The following LRRC40 variants were observed in gnomAD, a reference collection of about 807,000 sequenced individuals.
LRRC40 encodes leucine-rich repeat-containing protein 40.
Under a neutral mutation model 72.8 loss-of-function variants are expected in LRRC40, and 76 were observed. The ratio of observed to expected loss-of-function variants is 1.04; its 90% confidence interval spans 0.87 to 1.26. The LOEUF (loss-of-function observed/expected upper bound fraction) is 1.26, where lower values mean the gene tolerates loss of function less well. LRRC40 is among the 50% of genes most tolerant of loss of function. The pLI is 0.00. For missense variants in LRRC40, 684 were observed against 698.9 expected, an observed-to-expected ratio of 0.98 and a Z score of 0.24; for synonymous variants, 243 against 254.2, an observed-to-expected ratio of 0.96 and a Z score of 0.42.
At chr1:70,201,917 C>A (rs1022090640) in intron 1 of LRRC40, among the ~76,000 whole-genome samples, 2 of 152,056 alleles carry the variant, frequency 1.3e-5, no homozygotes, top group South Asian at 2.1e-4. Flanking sequence ...GCAGAGGTTG[C>A]GGTGAGCTGA....
chr1:70,148,715 AC>A (rs774760789), intron 13 of LRRC40, 43 bp from the exon 14 acceptor site: 1 of 1,199,812 alleles, frequency 8.3e-7, no homozygotes, highest in Non-Finnish European at 1.2e-6. Flanking sequence ...CTGGAATCAG[AC>A]CAAAATCATT....
At position 70,145,921 on chromosome 1, in the gene LRRC40, A is replaced by G; in HGVS notation, c.1704-16T>C. On this transcript the variant is annotated splice_polypyrimidine_tract_variant and intron_variant, in intron 14 of 14. Coordinates refer to ENST00000370952, the MANE Select transcript of LRRC40 (RefSeq NM_017768.5). Reference sequence around the variant, plus strand: ...TAGTAATGTTCTAAACAAAAGAGAGAAATTGAGAATGTAAACATTTTCCAT... The same window carrying G: ...TAGTAATGTTCTAAACAAAAGAGAGGAATTGAGAATGTAAACATTTTCCAT... The G allele has an allele frequency of 1.6e-6, 2 of 1,278,936 alleles. No homozygotes were observed. The highest frequency in any genetic ancestry group is 2.2e-6 in the Non-Finnish European group (2 of 894,372). The allele number at this position is 1,278,936 out of a possible 1,614,324, so 79.2% of individuals were successfully genotyped here.
In LRRC40 at chr1:70,178,892, AT is replaced by A; in HGVS notation, c.762del (p.Lys254AsnfsTer14). On this transcript the variant is annotated frameshift_variant, in exon 6 of 15. Transcript: ENST00000370952. LOFTEE classifies it high-confidence loss of function. ...GAAGGAAATTCTGGTAGAAAACGTA[AT>A]TTATTCCTCCGCAAATAAAGCAATT... is the stretch of plus-strand genomic sequence containing the variant. ...SLELLYLRRN[K>X]LRFLPEFPSC... 6.3e-7 allele frequency: 1 copy of A among 1,597,586 alleles called. No homozygotes were observed. The highest frequency in any genetic ancestry group is 8.6e-7 in the Non-Finnish European group (1 of 1,168,312).
At chr1:70,198,982 C>T (rs1668674837) in intron 1 of LRRC40, among the ~76,000 whole-genome samples, 1 of 151,986 alleles carries the variant, frequency 6.6e-6, no homozygotes, top group Admixed American at 6.6e-5. Context: ...AAGACCTCAT[C>T]TCTACAAAAA....
chr1:70,204,987 T>G (rs1039042063), intron 1 of LRRC40, among the ~76,000 whole-genome samples: 1 of 152,070 alleles, frequency 6.6e-6, no homozygotes. Flanking sequence ...AAGGGGCCGA[T>G]AAAACATATA....
intron 2 of LRRC40, among the ~76,000 whole-genome samples, chr1:70,187,894 G>GAAGAGAAGAGAAGTC (rs1277318646): frequency 2.1e-5 from 3 of 143,304 alleles, no homozygotes; most frequent in Admixed American, 7.0e-5. Flanking sequence ...GAAGAGAAGA[G>GAAGAGAAGAGAAGTC]AAGTCATGAA....
rs150092881 is a variant in LRRC40 at position 70,175,822 on chromosome 1, T to G, written c.965A>C (p.Asn322Thr). The change falls in exon 7 of 15, where the codon AAT (asparagine) becomes ACT (threonine). Residue 322 changes from asparagine to threonine, a missense_variant. Physicochemically the swap from Asn to Thr is moderately conservative, Grantham distance 65. Coordinates refer to ENST00000370952, the MANE Select transcript of LRRC40 (RefSeq NM_017768.5). ...RSLERLDLSN[N>T]DISSLPYSLG... ...TATTTAAACTTACCTACTAATATCA[T>G]TGTTGCTTAGGTCAAGCCTTTCCAA... 3.2e-6 allele frequency: 5 copies of G among 1,558,862 alleles called. No individual in the cohort carries two copies. The Admixed American group carries it at 1.0e-4, about 32-fold the overall frequency.
At chr1:70,146,453 TAACAATCCTATTTTCTC>T (rs1177489747) in intron 14 of LRRC40, among the ~76,000 whole-genome samples, 1 of 152,218 alleles carries the variant, frequency 6.6e-6, no homozygotes, top group Non-Finnish European at 1.5e-5. Flanking sequence ...CAGTCACTCT[TAACAATCCTATTTTCTC>T]AACAATCCTA....
intron 4 of LRRC40, among the ~76,000 whole-genome samples, chr1:70,182,224 G>A (rs1274894222): frequency 6.6e-6 from 1 of 151,740 alleles, no homozygotes; most frequent in East Asian, 1.9e-4. Context: ...AAAACTCTAA[G>A]AATCAAAAGA....
chr1:70,198,084 T>C (rs1298855119), intron 1 of LRRC40, among the ~76,000 whole-genome samples: 1 of 152,074 alleles, frequency 6.6e-6, no homozygotes, highest in African/African-American at 2.4e-5. Context: ...TTTTATTCTG[T>C]CCCAACAAAC....
At chr1:70,191,815 A>G (rs1478152945) in intron 1 of LRRC40, among the ~76,000 whole-genome samples, 1 of 151,538 alleles carries the variant, frequency 6.6e-6, no homozygotes, top group Admixed American at 6.6e-5. Flanking sequence ...TATAAATATC[A>G]AAAAAATTAC....
At chr1:70,156,496 G>A (rs1571441438) in intron 10 of LRRC40, among the ~76,000 whole-genome samples, 1 of 152,016 alleles carries the variant, frequency 6.6e-6, no homozygotes, top group Non-Finnish European at 1.5e-5. Flanking sequence ...GTTTTCAAAT[G>A]TAAATATAAA....
chr1:70,202,900 ATTATT>A (rs1474697427), intron 1 of LRRC40, among the ~76,000 whole-genome samples: 1 of 152,072 alleles, frequency 6.6e-6, no homozygotes, highest in African/African-American at 2.4e-5. Context: ...TGTCATTATT[ATTATT>A]TTAGAGACAG....
At chr1:70,154,646 T>G (rs587567) in intron 11 of LRRC40, among the ~76,000 whole-genome samples, 28,429 of 152,162 alleles carry the variant, frequency 0.19, 2,956 homozygotes, top group East Asian at 0.41. Flanking sequence ...GCAAATTATA[T>G]TTTGTCTCAC....
At chr1:70,176,415 C>T (rs981211629) in intron 6 of LRRC40, among the ~76,000 whole-genome samples, 3 of 151,338 alleles carry the variant, frequency 2.0e-5, no homozygotes, top group African/African-American at 7.3e-5. Context: ...GCCTGTAGTC[C>T]CAGCTACTCA....
intron 1 of LRRC40, among the ~76,000 whole-genome samples, chr1:70,195,351 C>A (rs1196336144): frequency 3.3e-5 from 5 of 149,454 alleles, no homozygotes; most frequent in Non-Finnish European, 5.9e-5. Flanking sequence ...AAGTCGTTAC[C>A]CAAGAATAAA....
intron 1 of LRRC40, among the ~76,000 whole-genome samples, chr1:70,200,937 T>A (rs1180194703): frequency 1.3e-5 from 2 of 152,134 alleles, no homozygotes; most frequent in Admixed American, 6.5e-5. Context: ...TTTGGGAGAC[T>A]GAGGTGGGAG....
At chr1:70,172,891 T>C (rs1256806412) in intron 9 of LRRC40, among the ~76,000 whole-genome samples, 7 of 149,246 alleles carry the variant, frequency 4.7e-5, no homozygotes, top group Non-Finnish European at 1.0e-4. Context: ...GTACAACTAC[T>C]TTTTTTTTTC....
At chr1:70,145,934 A>T in intron 14 of LRRC40, 29 bp from the exon 15 acceptor site, 1 of 1,108,218 alleles carries the variant, frequency 9.0e-7, no homozygotes, top group Non-Finnish European at 1.3e-6. Context: ...TTGAGAATGT[A>T]AACATTTTCC....
Sources: gnomAD v4.1 joint callset for allele counts (sites outside exome capture counted in the v4.1 genomes callset) on GRCh38, gnomAD v4.1.1 for gene constraint, MANE v1.5 for transcripts, NCBI Gene and HGNC (gene_info 2026-07-23, HGNC 2026-07-21) for gene names.